CNTNAP2: variants seen among roughly 807,000 people sequenced by gnomAD.
CNTNAP2 encodes the protein contactin-associated protein-like 2.
Under a neutral mutation model 155.2 loss-of-function variants are expected in CNTNAP2, and 98 were observed. The observed-to-expected ratio is 0.63, with a 90% CI of 0.54 to 0.75. CNTNAP2 has a LOEUF of 0.75. Ranked by LOEUF, CNTNAP2 falls within the 30% of genes least tolerant of loss-of-function variation. The pLI is 0.00. For missense variants in CNTNAP2, 1,727 were observed against 1,688.1 expected, an observed-to-expected ratio of 1.02 and a Z score of -0.40; for synonymous variants, 651 against 631.2, an observed-to-expected ratio of 1.03 and a Z score of -0.47.
intron 1 of CNTNAP2, among the ~76,000 whole-genome samples, chr7:146,413,028 G>A (rs973688120): frequency 6.6e-6 from 1 of 152,114 alleles, no homozygotes; most frequent in Non-Finnish European, 1.5e-5. Flanking sequence ...CGGTGAATCA[G>A]GCTATTACAG....
intron 8 of CNTNAP2, among the ~76,000 whole-genome samples, chr7:147,253,903 C>T (rs1405165730): frequency 2.0e-5 from 3 of 152,164 alleles, no homozygotes; most frequent in Non-Finnish European, 1.5e-5. Flanking sequence ...TCTATGGCAT[C>T]AGTCTTATTC....
intron 1 of CNTNAP2, among the ~76,000 whole-genome samples, chr7:146,702,312 A>G (rs1800891421): frequency 6.6e-6 from 1 of 152,212 alleles, no homozygotes; most frequent in Admixed American, 6.5e-5. Context: ...GAAAAAAATT[A>G]AGTATTCTAT....
At chr7:147,762,314 A>G (rs528347445) in intron 13 of CNTNAP2, among the ~76,000 whole-genome samples, 2 of 152,296 alleles carry the variant, frequency 1.3e-5, no homozygotes, top group South Asian at 2.1e-4. Context: ...GAAAATTCAT[A>G]TAGAAGACCA....
At chr7:147,905,090 G>A (rs747836015) in intron 14 of CNTNAP2, among the ~76,000 whole-genome samples, 1 of 152,136 alleles carries the variant, frequency 6.6e-6, no homozygotes, top group Non-Finnish European at 1.5e-5. Flanking sequence ...ACTCTTCTAG[G>A]CACTGGGGAT....
At chr7:147,340,477 C>T (rs534520035) in intron 9 of CNTNAP2, among the ~76,000 whole-genome samples, 2 of 152,174 alleles carry the variant, frequency 1.3e-5, no homozygotes, top group Admixed American at 1.3e-4. Context: ...TTGGTTCAGC[C>T]AGTACCCAGG....
intron 1 of CNTNAP2, among the ~76,000 whole-genome samples, chr7:146,220,504 A>G (rs1326886114): frequency 6.6e-6 from 1 of 152,160 alleles, no homozygotes; most frequent in East Asian, 1.9e-4. Flanking sequence ...CTTGTGAAAA[A>G]GAGATTAAAA....
intron 14 of CNTNAP2, among the ~76,000 whole-genome samples, chr7:147,945,211 A>G (rs1800798097): frequency 6.6e-6 from 1 of 152,148 alleles, no homozygotes; most frequent in Non-Finnish European, 1.5e-5. Flanking sequence ...ATTTTATATT[A>G]TTTGCAACTG....
intron 1 of CNTNAP2, among the ~76,000 whole-genome samples, chr7:146,221,362 T>A (rs1378814563): frequency 1.3e-5 from 2 of 151,562 alleles, no homozygotes; most frequent in African/African-American, 2.4e-5. Context: ...AAATATACGT[T>A]TAAATATACT....
At chr7:146,232,077 G>T (rs1048076012) in intron 1 of CNTNAP2, among the ~76,000 whole-genome samples, 1 of 150,882 alleles carries the variant, frequency 6.6e-6, no homozygotes, top group African/African-American at 2.5e-5. Context: ...CTCTCAAAAG[G>T]CTTCCTAGGA....
At chr7:147,112,132 G>A (rs72611585) in intron 5 of CNTNAP2, among the ~76,000 whole-genome samples, 17,130 of 151,848 alleles carry the variant, frequency 0.11, 1,259 homozygotes, top group East Asian at 0.3. Flanking sequence ...TATTATTTTT[G>A]GCAATTGTGA....
intron 1 of CNTNAP2, among the ~76,000 whole-genome samples, chr7:146,207,649 T>G (rs968511669): frequency 2.6e-5 from 4 of 151,080 alleles, no homozygotes; most frequent in South Asian, 2.1e-4. Flanking sequence ...TTTTTTTTTT[T>G]TTTTTTTTTT....
chr7:146,361,381 C>T (rs771859747), intron 1 of CNTNAP2, among the ~76,000 whole-genome samples: 1 of 152,066 alleles, frequency 6.6e-6, no homozygotes, highest in African/African-American at 2.4e-5. Flanking sequence ...ACCAGTCCCC[C>T]ACGTGTACCA....
chr7:146,473,362 T>G (rs1406934512), intron 1 of CNTNAP2, among the ~76,000 whole-genome samples: 4 of 152,176 alleles, frequency 2.6e-5, no homozygotes, highest in East Asian at 3.9e-4. Flanking sequence ...TTGAATTATC[T>G]CATGCTTTTC....
At chr7:146,861,079 G>C (rs574303690) in intron 3 of CNTNAP2, among the ~76,000 whole-genome samples, 1 of 151,468 alleles carries the variant, frequency 6.6e-6, no homozygotes, top group African/African-American at 2.4e-5. Flanking sequence ...TTTGTTTTTT[G>C]AGACCAAGCC....
At chr7:146,379,107 C>G (rs1355165887) in intron 1 of CNTNAP2, among the ~76,000 whole-genome samples, 1 of 152,200 alleles carries the variant, frequency 6.6e-6, no homozygotes, top group Non-Finnish European at 1.5e-5. Flanking sequence ...CTATCTTGAG[C>G]CTGTGCCTCT....
chr7:147,871,668 T>C (rs1799329595), intron 13 of CNTNAP2, among the ~76,000 whole-genome samples: 1 of 151,980 alleles, frequency 6.6e-6, no homozygotes, highest in Middle Eastern at 3.4e-3. Flanking sequence ...TCTCTTTTTT[T>C]TTTTTTTGCC....
At chr7:148,146,024 G>A (rs1331574067) in intron 16 of CNTNAP2, among the ~76,000 whole-genome samples, 1 of 152,170 alleles carries the variant, frequency 6.6e-6, no homozygotes, top group African/African-American at 2.4e-5. Flanking sequence ...GCTTTCCAAG[G>A]GGCCCAACAC....
At chr7:148,000,721 G>C (rs1039334732) in intron 15 of CNTNAP2, among the ~76,000 whole-genome samples, 28 of 152,224 alleles carry the variant, frequency 1.8e-4, no homozygotes, top group African/African-American at 6.3e-4. Context: ...ATTCCTCAGT[G>C]CCATTACGGG....
rs34005083 is a variant in CNTNAP2 at position 148,305,222 on chromosome 7, C to CAA, written c.3475+38125_3475+38126dup. Among the ~76,000 whole-genome samples the CAA allele has an allele frequency of 4.1e-3, 215 of 51,920 alleles. 7 individuals carry two copies. Among genetic ancestry groups the CAA allele is most frequent in the African/African-American group, 0.015 (207 of 14,144 alleles). The allele number at this position is 51,920 out of a possible 152,430, so 34.1% of individuals were successfully genotyped here. A position where few individuals can be genotyped will look rare whatever the true frequency, so the allele number is the denominator to read the frequency against. ...TGGGTGAAAGACCAAGGCCCTGTCT[C>CAA]AAAAAAAAAAAAAAAAAAAAAAAAA... On this transcript the variant is annotated intron_variant, in intron 21 of 23. Coordinates refer to ENST00000361727, the MANE Select transcript of CNTNAP2 (RefSeq NM_014141.6).
Sources: allele counts gnomAD v4.1 joint callset (sites outside exome capture counted in the v4.1 genomes callset), GRCh38; gene constraint gnomAD v4.1.1; transcripts MANE v1.5; gene names NCBI Gene and HGNC (gene_info 2026-07-23, HGNC 2026-07-21).